CASP8: variants seen among roughly 807,000 people sequenced by gnomAD.
CASP8 encodes the protein caspase 8, also known as caspase-8.
Under a neutral mutation model 46.3 loss-of-function variants are expected in CASP8, and 24 were observed. The observed-to-expected ratio is 0.52, with a 90% CI of 0.38 to 0.73. The LOEUF (loss-of-function observed/expected upper bound fraction) is 0.73, where lower values mean the gene tolerates loss of function less well. Ranked by LOEUF, CASP8 falls within the 30% of genes least tolerant of loss-of-function variation. The pLI is 0.00. For missense variants in CASP8, 460 were observed against 559.0 expected, an observed-to-expected ratio of 0.82 and a Z score of 1.79; for synonymous variants, 188 against 200.4, an observed-to-expected ratio of 0.94 and a Z score of 0.52.
At chr2:201,279,980 TGAG>T (rs989032598) in intron 7 of CASP8, among the ~76,000 whole-genome samples, 31 of 151,498 alleles carry the variant, frequency 2.0e-4, no homozygotes, top group Admixed American at 1.7e-3. Flanking sequence ...ACTAGATAAA[TGAG>T]AGGCAATGCA....
chr2:201,274,632 G>A (rs547417675), intron 5 of CASP8, among the ~76,000 whole-genome samples: 12 of 152,210 alleles, frequency 7.9e-5, no homozygotes, highest in South Asian at 6.2e-4. Flanking sequence ...CTACCACCAC[G>A]CCCGGCTAAT....
chr2:201,269,586 G>C, intron 2 of CASP8: 2 of 1,612,892 alleles, frequency 1.2e-6, no homozygotes, highest in Non-Finnish European at 1.7e-6. Context: ...CTGGCGGAGG[G>C]TCGATCATCT....
At chr2:201,260,490 G>A (rs370200687), upstream of CASP8, 519 of 977,176 alleles carry the variant, frequency 5.3e-4, 2 homozygotes, top group Non-Finnish European at 6.1e-4. Flanking sequence ...CAGGAGTTTC[G>A]AAACAGGAAG....
intron 6 of CASP8, among the ~76,000 whole-genome samples, chr2:201,275,852 G>C (rs1437099021): frequency 6.6e-6 from 1 of 152,112 alleles, no homozygotes; most frequent in Non-Finnish European, 1.5e-5. Flanking sequence ...TGGGATTATA[G>C]GTACTAGCCA....
intron 7 of CASP8, among the ~76,000 whole-genome samples, chr2:201,278,794 AG>A (rs1396716064): frequency 6.6e-6 from 1 of 152,172 alleles, no homozygotes; most frequent in African/African-American, 2.4e-5. Context: ...GGCCTACCAA[AG>A]TGCTGGGATT....
chr2:201,269,510 G>A lies in CASP8; in HGVS notation c.306-2006G>A. 6.2e-7 allele frequency: 1 copy of A among 1,611,812 alleles called. No individual in the cohort carries two copies. Among genetic ancestry groups the A allele is most frequent in the South Asian group, 1.1e-5 (1 of 90,674 alleles). On this transcript the variant is annotated intron_variant, in intron 2 of 8. Coordinates refer to ENST00000673742, the MANE Select transcript of CASP8 (RefSeq NM_001372051.1). ...TGCCCACCATCTTGGTCCTTTGAAG[G>A]TTCCACTTCTGCCGCATGAGCTGGG...
At chr2:201,285,567 T>C (rs1949519170) in intron 8 of CASP8, among the ~76,000 whole-genome samples, 2 of 152,186 alleles carry the variant, frequency 1.3e-5, no homozygotes, top group Non-Finnish European at 2.9e-5. Context: ...ATCCTTAGTT[T>C]ATAGATGGAA....
chr2:201,281,323 A>T (rs1308368099), intron 7 of CASP8, among the ~76,000 whole-genome samples: 2 of 152,278 alleles, frequency 1.3e-5, no homozygotes, highest in African/African-American at 4.8e-5. Context: ...AAAAAAAATT[A>T]AAAAAATAAA....
At position 201,266,772 on chromosome 2, in the gene CASP8, G is replaced by T. The variant is rs762297913; in HGVS notation, c.286G>T (p.Ala96Ser). 12 of 1,612,702 alleles carry T rather than the reference G, an allele frequency of 7.4e-6. No homozygotes were observed. Among genetic ancestry groups the T allele is most frequent in the Middle Eastern group, 1.7e-4 (1 of 6,056 alleles). Residue 96 changes from alanine (A) to serine (S), a missense_variant, in exon 2 of 9, where the codon GCT (alanine) becomes TCT (serine). By Grantham distance (99) the Ala-to-Ser change is moderately conservative (BLOSUM62 1). Coordinates refer to ENST00000673742, the MANE Select transcript of CASP8 (RefSeq NM_001372051.1). This position sits in a 1 kb window ranked among gnomAD's most constrained non-coding sequence, Gnocchi z 5.7. ...MERELQTPGR[A>S]QISAYRVMLY... ...AAGGGAACTTCAGACACCAGGCAGG[G>T]CTCAAATTTCTGCCTACAGGTGGGT... is the stretch of plus-strand genomic sequence containing the variant.
upstream of CASP8, among the ~76,000 whole-genome samples, chr2:201,259,852 A>G (rs920805511): frequency 9.2e-5 from 14 of 151,858 alleles, no homozygotes; most frequent in Non-Finnish European, 1.8e-4. Flanking sequence ...TGGACTTACC[A>G]TCTTACCAAA....
chr2:201,248,933 C>T (rs1339034664), intron 2 of CASP8, among the ~76,000 whole-genome samples: 3 of 152,060 alleles, frequency 2.0e-5, no homozygotes, highest in African/African-American at 7.3e-5. Flanking sequence ...ACTCTGTTGC[C>T]CAGGCTGGAG....
At chr2:201,248,485 A>G (rs1203933705) in intron 2 of CASP8, among the ~76,000 whole-genome samples, 1 of 152,228 alleles carries the variant, frequency 6.6e-6, no homozygotes, top group Non-Finnish European at 1.5e-5. Flanking sequence ...TCAACTGAAA[A>G]CAAGATGCAA....
upstream of CASP8, among the ~76,000 whole-genome samples, chr2:201,258,765 ATTCTGTCG>A (rs1485407797): frequency 1.5e-4 from 2 of 13,328 alleles, no homozygotes; most frequent in African/African-American, 7.9e-4. Context: ...TTATTCTGTC[ATTCTGTCG>A]AATCACGATG....
Position 201,266,733 on chromosome 2 carries a change from A to G in CASP8, c.247A>G (p.Lys83Glu), listed in dbSNP as rs1559350595. Residue 83 changes from lysine to glutamate, a missense_variant, in exon 2 of 9, where the codon AAG becomes GAG. Lys to Glu is a moderately conservative substitution (Grantham distance 56). Coordinates refer to ENST00000673742, the MANE Select transcript of CASP8 (RefSeq NM_001372051.1). The surrounding 1 kb of genome is among the most constrained non-coding windows in gnomAD (Gnocchi z 5.7). Reference protein sequence around the residue: ...DLLITYLNTRKEEMERELQTP... With the variant: ...DLLITYLNTREEEMERELQTP... ...GCTGATTACCTACCTAAACACTAGA[A>G]AGGAGGAGATGGAAAGGGAACTTCA... The G allele has an allele frequency of 1.2e-6, 2 of 1,614,008 alleles. No homozygotes were observed. The highest frequency in any genetic ancestry group is 2.2e-5 in the East Asian group (1 of 44,880).
At chr2:201,234,536 G>A (rs553207744) in intron 2 of CASP8, among the ~76,000 whole-genome samples, 131 of 151,818 alleles carry the variant, frequency 8.6e-4, no homozygotes, top group African/African-American at 3.1e-3. Context: ...TGATATCTCC[G>A]CCTCCCGGGT....
rs771007977 is a variant in CASP8, at chr2:201,266,598, A to G, written c.112A>G (p.Ile38Val). The G allele has an allele frequency of 1.1e-5, 17 of 1,614,246 alleles. No homozygotes were observed. The highest frequency in any genetic ancestry group is 3.3e-4 in the Middle Eastern group (2 of 6,062). ...DYIPQRKQEP[I>V]KDALMLFQRL... ...CATTCCGCAAAGGAAGCAAGAACCC[A>G]TCAAGGATGCCTTGATGTTATTCCA... Residue 38 changes from isoleucine to valine, a missense_variant, in exon 2 of 9, where the codon ATC becomes GTC. Ile to Val is a conservative substitution (Grantham distance 29). Transcript: ENST00000673742. The surrounding 1 kb of genome is among the most constrained non-coding windows in gnomAD (Gnocchi z 5.7).
chr2:201,267,693 C>A (rs1196861118), intron 2 of CASP8, among the ~76,000 whole-genome samples: 2 of 152,218 alleles, frequency 1.3e-5, no homozygotes, highest in Non-Finnish European at 2.9e-5. Flanking sequence ...CTCCTATTAT[C>A]GGACACTACT....
At chr2:201,239,658 A>T (rs1946218471) in intron 2 of CASP8, among the ~76,000 whole-genome samples, 1 of 152,026 alleles carries the variant, frequency 6.6e-6, no homozygotes, top group South Asian at 2.1e-4. Flanking sequence ...GCTTTTTCTT[A>T]GTGGCTACTT....
At chr2:201,285,511 G>T (rs906495886) in intron 8 of CASP8, among the ~76,000 whole-genome samples, 194 bp downstream of exon 8, 2 of 152,226 alleles carry the variant, frequency 1.3e-5, no homozygotes, top group Non-Finnish European at 2.9e-5. Context: ...TCACATAGCT[G>T]CATTTCCCAG....
Sources: allele counts gnomAD v4.1 joint callset (sites outside exome capture counted in the v4.1 genomes callset), GRCh38; gene constraint gnomAD v4.1.1; non-coding constraint Gnocchi (gnomAD v3.1); transcripts MANE v1.5; gene names NCBI Gene and HGNC (gene_info 2026-07-23, HGNC 2026-07-21).